SORCS2: variants seen among roughly 807,000 people sequenced by gnomAD.
SORCS2 encodes the protein sortilin related VPS10 domain containing receptor 2.
SORCS2 carries 100 observed loss-of-function variants against 141.6 expected under a neutral mutation model. The ratio of observed to expected loss-of-function variants is 0.71; its 90% CI spans 0.60 to 0.83. The LOEUF (loss-of-function observed/expected upper bound fraction) is 0.83. Among genes scored for constraint, SORCS2 ranks in the 40% least tolerant of loss-of-function variants. The pLI is 0.00. For synonymous variants in SORCS2, 789 were observed against 676.9 expected (o/e 1.17, Z -2.57); for missense variants, 1,646 against 1,560.2 (o/e 1.05, Z -0.93).
intron 3 of SORCS2, among the ~76,000 whole-genome samples, chr4:7,577,022 G>GCCAC (rs1030018166): frequency 8.5e-5 from 13 of 152,194 alleles, no homozygotes; most frequent in African/African-American, 3.1e-4. Context: ...TGGTCTTCTG[G>GCCAC]CCACCCCTCT....
intron 1 of SORCS2, among the ~76,000 whole-genome samples, chr4:7,380,972 C>T (rs1304202788): frequency 6.6e-6 from 1 of 151,402 alleles, no homozygotes; most frequent in African/African-American, 2.4e-5. Flanking sequence ...GTCCCAGCTA[C>T]TCGGGAGGCT....
intron 1 of SORCS2, among the ~76,000 whole-genome samples, chr4:7,227,517 G>A (rs562552286): frequency 1.3e-5 from 2 of 152,340 alleles, no homozygotes; most frequent in Admixed American, 1.3e-4. Context: ...GGGGCCTTGT[G>A]GGTGAGGTGG....
At chr4:7,265,780 C>T (rs1330227000) in intron 1 of SORCS2, among the ~76,000 whole-genome samples, 5 of 152,200 alleles carry the variant, frequency 3.3e-5, no homozygotes, top group Non-Finnish European at 1.5e-5. Flanking sequence ...AGGCCACGTT[C>T]GCAGGGGCAG....
intron 1 of SORCS2, among the ~76,000 whole-genome samples, chr4:7,278,263 C>G (rs1715639791): frequency 2.0e-5 from 3 of 152,218 alleles, no homozygotes; most frequent in Non-Finnish European, 4.4e-5. Flanking sequence ...CCTCTCTCCT[C>G]TGAGCAGCCT....
intron 6 of SORCS2, among the ~76,000 whole-genome samples, chr4:7,661,882 G>A (rs1279529629): frequency 6.6e-6 from 1 of 152,178 alleles, no homozygotes; most frequent in Non-Finnish European, 1.5e-5. Context: ...GGGGGTGGGG[G>A]CACGGGTGTG....
chr4:7,435,193 TC>T (rs1261450182), intron 2 of SORCS2, among the ~76,000 whole-genome samples: 1 of 151,590 alleles, frequency 6.6e-6, no homozygotes, highest in African/African-American at 2.4e-5. Flanking sequence ...TCCCCCACCC[TC>T]CCCCTGCTGC....
At chr4:7,272,302 A>G (rs964340253) in intron 1 of SORCS2, among the ~76,000 whole-genome samples, 1 of 152,216 alleles carries the variant, frequency 6.6e-6, no homozygotes, top group Non-Finnish European at 1.5e-5. Flanking sequence ...TATATTTCAT[A>G]TCATCTAAAA....
At chr4:7,326,786 C>T (rs1417656117) in intron 1 of SORCS2, among the ~76,000 whole-genome samples, 4 of 151,720 alleles carry the variant, frequency 2.6e-5, no homozygotes, top group Non-Finnish European at 4.4e-5. Context: ...GCCAGCCAAG[C>T]TTCCGCAGGC....
intron 12 of SORCS2, among the ~76,000 whole-genome samples, chr4:7,699,490 A>G (rs1006522200): frequency 3.3e-5 from 5 of 152,114 alleles, no homozygotes; most frequent in African/African-American, 1.2e-4. Context: ...GGGCCAGCTC[A>G]GTACCAAAGG....
intron 2 of SORCS2, among the ~76,000 whole-genome samples, chr4:7,454,873 G>C (rs533861875): frequency 6.2e-5 from 8 of 129,158 alleles, no homozygotes; most frequent in African/African-American, 1.2e-4. Context: ...GTCAGGTGCT[G>C]TGTGTTGGGG....
chr4:7,314,235 G>T (rs1265142713), intron 1 of SORCS2, among the ~76,000 whole-genome samples: 1 of 152,188 alleles, frequency 6.6e-6, no homozygotes, highest in Non-Finnish European at 1.5e-5. Context: ...ACTCCTCAGT[G>T]GCACACGGAG....
intron 2 of SORCS2, chr4:7,433,299 C>T (rs760649460): frequency 3.0e-5 from 41 of 1,372,126 alleles, no homozygotes; most frequent in Non-Finnish European, 3.9e-5. Context: ...GGCTCTGGGT[C>T]TCTGGCAGCC....
intron 2 of SORCS2, among the ~76,000 whole-genome samples, chr4:7,486,508 G>A (rs905258780): frequency 6.6e-6 from 1 of 152,208 alleles, no homozygotes; most frequent in African/African-American, 2.4e-5. Context: ...TGCGGGACCC[G>A]AGGCTGAGCT....
intron 1 of SORCS2, among the ~76,000 whole-genome samples, chr4:7,205,086 C>T (rs1343441804): frequency 6.6e-6 from 1 of 152,236 alleles, no homozygotes; most frequent in African/African-American, 2.4e-5. Flanking sequence ...TACCACTTAA[C>T]CCCAGCCAAG....
chr4:7,296,460 G>C (rs931644422), intron 1 of SORCS2, among the ~76,000 whole-genome samples: 1 of 152,146 alleles, frequency 6.6e-6, no homozygotes, highest in Non-Finnish European at 1.5e-5. Flanking sequence ...TCACGGGCAG[G>C]GTGGCAGAGA....
intron 25 of SORCS2, among the ~76,000 whole-genome samples, chr4:7,736,787 G>A (rs1490920354): frequency 3.3e-5 from 5 of 152,192 alleles, no homozygotes; most frequent in African/African-American, 4.8e-5. Context: ...CCCACGCTTC[G>A]ATTCTCAGGG....
intron 2 of SORCS2, among the ~76,000 whole-genome samples, chr4:7,408,742 T>G (rs990950025): frequency 2.0e-5 from 3 of 152,230 alleles, no homozygotes; most frequent in African/African-American, 7.2e-5. Context: ...AATTCTTACA[T>G]TTGCTCTTTG....
chr4:7,368,123 G>A (rs1422338143), intron 1 of SORCS2, among the ~76,000 whole-genome samples: 17 of 152,200 alleles, frequency 1.1e-4, no homozygotes, highest in Non-Finnish European at 2.5e-4. Flanking sequence ...GAGGCGGGTG[G>A]TGGTGCTGGG....
At chr4:7,678,812 C>T (rs1412971132) in intron 9 of SORCS2, among the ~76,000 whole-genome samples, 7 of 151,554 alleles carry the variant, frequency 4.6e-5, no homozygotes, top group African/African-American at 9.7e-5. Flanking sequence ...CCTGACTTCC[C>T]GAGGGTCAGG....
Sources: gnomAD v4.1 joint callset for allele counts (sites outside exome capture counted in the v4.1 genomes callset) on GRCh38, gnomAD v4.1.1 for gene constraint, MANE v1.5 for transcripts, NCBI Gene and HGNC (gene_info 2026-07-23, HGNC 2026-07-21) for gene names.